Variants in GLYATL1 observed in about 807,000 individuals in gnomAD.
The protein encoded by GLYATL1 is glycine-N-acyltransferase like 1.
Under a neutral mutation model 20.0 loss-of-function variants are expected in GLYATL1, and 15 were observed. The ratio of observed to expected loss-of-function variants is 0.75; its 90% CI spans 0.50 to 1.15. The LOEUF is 1.15. GLYATL1 is among the 50% of genes most tolerant of loss of function. The pLI is 0.00. For synonymous variants in GLYATL1, 151 were observed against 131.5 expected, an observed-to-expected ratio of 1.15 and a Z score of -1.01; for missense variants, 380 against 368.5, an observed-to-expected ratio of 1.03 and a Z score of -0.26.
At chr11:58,906,621 C>T (rs1854893578) in intron 1 of GLYATL1, among the ~76,000 whole-genome samples, 1 of 152,150 alleles carries the variant, frequency 6.6e-6, no homozygotes, top group African/African-American at 2.4e-5. Context: ...CTACATGTGC[C>T]TAGCAAGGTG....
chr11:58,909,029 G>A (rs545730782), downstream of GLYATL1, among the ~76,000 whole-genome samples: 7 of 152,260 alleles, frequency 4.6e-5, no homozygotes, highest in South Asian at 1.5e-3. Flanking sequence ...AGACTGCAGA[G>A]GCTGGTTTTT....
intron 4 of GLYATL1, among the ~76,000 whole-genome samples, chr11:58,951,028 T>C (rs1406834687): frequency 6.6e-6 from 1 of 152,176 alleles, no homozygotes; most frequent in African/African-American, 2.4e-5. Context: ...ATTTTGACAT[T>C]AAGAAATTTT....
intron 1 of GLYATL1, among the ~76,000 whole-genome samples, chr11:58,918,883 C>T (rs569170607): frequency 8.5e-5 from 13 of 152,290 alleles, no homozygotes; most frequent in African/African-American, 2.9e-4. Context: ...ACATCTCGGT[C>T]TCATGGCATT....
At chr11:58,947,352 A>G in intron 3 of GLYATL1, 187 bp downstream of exon 3, 1 of 760,736 alleles carries the variant, frequency 1.3e-6, no homozygotes, top group Non-Finnish European at 2.0e-6. Context: ...AGCTAGGTCC[A>G]CTCTGCAGGT....
chr11:58,943,323 G>T, intron 1 of GLYATL1: 12 of 1,550,720 alleles, frequency 7.7e-6, no homozygotes, highest in Non-Finnish European at 1.0e-5. Flanking sequence ...TTCAAATAAG[G>T]CAAGCGCCCA....
At chr11:58,953,444 G>T (rs1230150629) in intron 4 of GLYATL1, among the ~76,000 whole-genome samples, 1 of 115,546 alleles carries the variant, frequency 8.7e-6, no homozygotes, top group Non-Finnish European at 1.7e-5. Context: ...TTTAATAAAT[G>T]CCTTACCAGA....
chr11:58,947,091 A>C lies in GLYATL1; in HGVS notation c.4A>C (p.Ile2Leu). M[I>L]LLNNSHKLLA... ...AAGGTCTGAAGCATCCCACAGAATG[A>C]TCCTACTGAATAACTCCCATAAGCT... Residue 2 changes from isoleucine (I) to leucine (L), a missense_variant, in exon 3 of 7, where the codon ATC (isoleucine) becomes CTC (leucine). Transcript: ENST00000532726. The C allele has an allele frequency of 6.2e-7, 1 of 1,614,028 alleles. No homozygotes were observed. The highest frequency in any genetic ancestry group is 8.5e-7 in the Non-Finnish European group (1 of 1,179,886).
At chr11:58,950,717 CG>C (rs1449828492) in intron 4 of GLYATL1, among the ~76,000 whole-genome samples, 2 of 152,158 alleles carry the variant, frequency 1.3e-5, no homozygotes, top group African/African-American at 4.8e-5. Flanking sequence ...CACATTCTCA[CG>C]AGCACTGAAT....
In GLYATL1 at chr11:58,955,829, A is replaced by C. The variant is rs1565138166; in HGVS notation, c.711A>C (p.Lys237Asn). The stretch of plus-strand genomic sequence containing the variant: ...TAGGAATGGCCTACAGCATGGAAAA[A>C]TACCGAAGGACAGGCAACATGGCAC... Reference protein sequence around the residue: ...CEVGMAYSMEKYRRTGNMARV... With the variant: ...CEVGMAYSMENYRRTGNMARV... Residue 237 changes from lysine (K) to asparagine (N), a missense_variant, in exon 7 of 7, where the codon AAA (lysine) becomes AAC (asparagine). Lys to Asn is a moderately conservative substitution (Grantham distance 94, BLOSUM62 0). Transcript: ENST00000532726. The C allele has an allele frequency of 6.2e-7, 1 of 1,614,228 alleles. No homozygotes were observed. The highest frequency in any genetic ancestry group is 1.7e-5 in the Admixed American group (1 of 60,028).
At chr11:58,906,763 A>C (rs1449767795) in intron 1 of GLYATL1, among the ~76,000 whole-genome samples, 2 of 152,220 alleles carry the variant, frequency 1.3e-5, no homozygotes, top group Non-Finnish European at 2.9e-5. Flanking sequence ...GTAAGCAAGC[A>C]CAGCTGCAAG....
At chr11:58,913,000 C>G (rs1590766484), downstream of GLYATL1, among the ~76,000 whole-genome samples, 1 of 152,276 alleles carries the variant, frequency 6.6e-6, no homozygotes, top group East Asian at 1.9e-4. Flanking sequence ...CTGAAGACAT[C>G]CAATGGAAGG....
chr11:58,908,372 T>G (rs184867823), exon 2 of GLYATL1: 376 of 153,156 alleles, frequency 2.5e-3, no homozygotes, highest in Non-Finnish European at 3.9e-3. Context: ...TGTTTTTTTG[T>G]TTTTTTAGAC....
intron 1 of GLYATL1, among the ~76,000 whole-genome samples, chr11:58,918,822 G>A (rs1178918544): frequency 6.6e-6 from 1 of 152,186 alleles, no homozygotes. Context: ...GCCATGTGTG[G>A]AATGGTTAGC....
intron 1 of GLYATL1, among the ~76,000 whole-genome samples, chr11:58,930,962 T>A (rs1454898177): frequency 1.3e-5 from 2 of 152,244 alleles, no homozygotes; most frequent in African/African-American, 4.8e-5. Context: ...GATGGGTCTT[T>A]GTTGAATGAT....
downstream of GLYATL1, among the ~76,000 whole-genome samples, chr11:58,912,636 G>T (rs1451580065): frequency 1.3e-5 from 2 of 152,196 alleles, no homozygotes; most frequent in Admixed American, 6.5e-5. Context: ...GTGACAGTCT[G>T]CCAGGTACTT....
intron 1 of GLYATL1, among the ~76,000 whole-genome samples, chr11:58,931,948 A>C (rs894593201): frequency 1.3e-5 from 2 of 151,872 alleles, no homozygotes; most frequent in Non-Finnish European, 2.9e-5. Context: ...CATCTCTAGT[A>C]AAACAGTACA....
At chr11:58,928,733 G>A (rs944356623) in intron 1 of GLYATL1, 3 of 152,218 alleles carry the variant, frequency 2.0e-5, no homozygotes, top group Non-Finnish European at 2.9e-5. Context: ...TTTATTTAGT[G>A]TAGAATTAAC....
downstream of GLYATL1, among the ~76,000 whole-genome samples, chr11:58,908,917 T>G (rs1406643383): frequency 5.9e-5 from 9 of 152,196 alleles, 1 homozygote; most frequent in Admixed American, 5.9e-4. Context: ...ATGCAGTAGG[T>G]AATATTATCA....
chr11:58,937,194 A>T (rs1228956965), upstream of GLYATL1, among the ~76,000 whole-genome samples: 12 of 152,310 alleles, frequency 7.9e-5, no homozygotes, highest in Admixed American at 2.6e-4. Context: ...TAAAGCCACC[A>T]GCAGTGCAAG....
Sources: allele counts gnomAD v4.1 joint callset (sites outside exome capture counted in the v4.1 genomes callset), GRCh38; gene constraint gnomAD v4.1.1; transcripts MANE v1.5; gene names NCBI Gene and HGNC (gene_info 2026-07-23, HGNC 2026-07-21).